RPL35: variants seen among roughly 807,000 people sequenced by gnomAD.
The protein encoded by RPL35 is large ribosomal subunit protein uL29.
RPL35 carries 2 observed loss-of-function variants against 15.6 expected under a neutral mutation model. The observed-to-expected ratio is 0.13, with a 90% CI of 0.05 to 0.40. The LOEUF is 0.40. Among genes scored for constraint, RPL35 ranks in the 10% least tolerant of loss-of-function variants. The pLI, the probability that RPL35 is intolerant of heterozygous loss-of-function variation, is 0.99. For missense variants in RPL35, 111 were observed against 164.7 expected (o/e 0.67, Z 1.79); for synonymous variants, 93 against 67.9 (o/e 1.37, Z -1.82).
At chr9:124,861,596 C>T (rs1829198535) in intron 1 of RPL35, 41 bp from the exon 2 acceptor site, 1 of 1,605,548 alleles carries the variant, frequency 6.2e-7, no homozygotes, top group Middle Eastern at 1.7e-4. Context: ...GGCCGCGGGG[C>T]CATATCCCCT....
Position 124,861,773 on chromosome 9 carries a change from G to T in RPL35, c.3+137C>A, listed in dbSNP as rs1588038131. ...CCGGCGCCAAGCGAAGAGGCGGGTT[G>T]TGGTGGCGCCAGACCATTCTGCGCG... On this transcript the variant is annotated intron_variant, in intron 1 of 3. Coordinates refer to ENST00000348462, the MANE Select transcript of RPL35 (RefSeq NM_007209.4). The T allele has an allele frequency of 5.1e-6, 7 of 1,359,244 alleles. No homozygotes were observed. In the Admixed American group the frequency reaches 7.8e-5, roughly 15 times the overall value. The allele number at this position is 1,359,244 out of a possible 1,614,324, so 84.2% of individuals were successfully genotyped here. A position where few individuals can be genotyped will look rare whatever the true frequency, so the allele number is the denominator to read the frequency against.
Position 124,861,941 on chromosome 9 carries a change from C to A in RPL35, c.-29G>T, listed in dbSNP as rs909920666. 7 of 1,597,892 alleles carry A rather than the reference C, an allele frequency of 4.4e-6. No homozygotes were observed. The highest frequency in any genetic ancestry group is 6.0e-6 in the Non-Finnish European group (7 of 1,173,124). ...TGCACAAGCCGCCAACGCCGCCGCC[C>A]GCTCCGAGGGAAAGAGGAAGTAGGC... On this transcript the variant is annotated 5_prime_UTR_variant, in exon 1 of 4. Transcript: ENST00000348462.
Position 124,860,275 on chromosome 9 carries a change from G to C in RPL35, c.141-11C>G, listed in dbSNP as rs760235094. ...TTCCGGACGACTCGGCTACAAAACA[G>C]AGATGTCAGTGAAGATAGGGAAGAC... On this transcript the variant is annotated splice_polypyrimidine_tract_variant and intron_variant, in intron 2 of 3. Transcript: ENST00000348462. The C allele has an allele frequency of 6.2e-7, 1 of 1,610,106 alleles. No individual in the cohort carries two copies. Among genetic ancestry groups the C allele is most frequent in the South Asian group, 1.1e-5 (1 of 91,018 alleles).
intron 1 of RPL35, 155 bp from the exon 2 acceptor site, chr9:124,861,710 T>C: frequency 1.5e-6 from 2 of 1,340,984 alleles, no homozygotes; most frequent in African/African-American, 1.5e-5. Flanking sequence ...CGGCCGTGCC[T>C]TGGGCAGAGT....
intron 2 of RPL35, chr9:124,861,129 TG>T: frequency 2.6e-6 from 1 of 387,360 alleles, no homozygotes; most frequent in East Asian, 4.7e-5. Flanking sequence ...GCCACCCACC[TG>T]CCAAGGGGGT....
intron 1 of RPL35, 174 bp downstream of exon 1, chr9:124,861,736 C>A (rs1232600395): frequency 1.5e-6 from 2 of 1,309,980 alleles, no homozygotes; most frequent in Non-Finnish European, 2.1e-6. Flanking sequence ...AGGCCCGGGC[C>A]GCGCGCCTCT....
At chr9:124,861,665 G>A (rs918397793) in intron 1 of RPL35, 110 bp from the exon 2 acceptor site, 1 of 1,493,662 alleles carries the variant, frequency 6.7e-7, no homozygotes, top group Non-Finnish European at 9.1e-7. Flanking sequence ...GAGTGCGCCG[G>A]AGCCCCAACC....
At chr9:124,861,239 G>A (rs1324699601) in intron 2 of RPL35, 180 bp downstream of exon 2, 5 of 739,848 alleles carry the variant, frequency 6.8e-6, no homozygotes, top group Non-Finnish European at 1.1e-5. Context: ...CCAGGCACAA[G>A]GACCGCAAGG....
chr9:124,861,185 T>G, intron 2 of RPL35: 1 of 506,226 alleles, frequency 2.0e-6, no homozygotes, highest in African/African-American at 2.0e-5. Flanking sequence ...GGGGTCCGGG[T>G]AGGCTTTGAA....
chr9:124,858,561 G>A (rs1253221746), intron 3 of RPL35: 1 of 710,502 alleles, frequency 1.4e-6, no homozygotes. Flanking sequence ...CAGCCTCAGA[G>A]GCCTGGCTGG....
chr9:124,860,291 T>C (rs368021435), intron 2 of RPL35, 27 bp from the exon 3 acceptor site: 59 of 1,586,898 alleles, frequency 3.7e-5, no homozygotes, highest in African/African-American at 6.7e-5. Context: ...TCAGTGAAGA[T>C]AGGGAAGACA....
chr9:124,858,625 TCA>T, intron 3 of RPL35: 1 of 652,706 alleles, frequency 1.5e-6, no homozygotes, highest in East Asian at 2.7e-5. Flanking sequence ...CCCACAGCTG[TCA>T]CAGAGCCATC....
chr9:124,861,716 A>C (rs1829200447), intron 1 of RPL35, 161 bp from the exon 2 acceptor site: 1 of 1,320,590 alleles, frequency 7.6e-7, no homozygotes, highest in Non-Finnish European at 1.0e-6. Flanking sequence ...TGCCTTGGGC[A>C]GAGTAACCCA....
intron 3 of RPL35, 137 bp downstream of exon 3, chr9:124,860,046 G>A (rs145907275): frequency 4.4e-6 from 3 of 683,394 alleles, no homozygotes; most frequent in East Asian, 2.7e-5. Context: ...GTAGAAGAGT[G>A]AGCCCAGCAA....
chr9:124,861,111 G>C (rs1054454906), intron 2 of RPL35: 1 of 347,758 alleles, frequency 2.9e-6, no homozygotes, highest in Non-Finnish European at 5.3e-6. Context: ...TGCCACTCCA[G>C]GGTGCAAGCC....
intron 2 of RPL35, chr9:124,860,961 A>T (rs907063220): frequency 6.2e-6 from 1 of 160,356 alleles, no homozygotes; most frequent in African/African-American, 2.4e-5. Flanking sequence ...CCTCCAGAGT[A>T]GCTGGGACTA....
intron 3 of RPL35, among the ~76,000 whole-genome samples, chr9:124,859,460 G>T (rs1389119238): frequency 6.6e-6 from 1 of 152,202 alleles, no homozygotes; most frequent in African/African-American, 2.4e-5. Context: ...CCAATCAGCT[G>T]TAAGTCTTAA....
At chr9:124,858,442 G>C (rs1243837892) in intron 3 of RPL35, 1 of 714,842 alleles carries the variant, frequency 1.4e-6, no homozygotes, top group Admixed American at 2.0e-5. Flanking sequence ...CAAGCCCCGG[G>C]GGTAGTTACC....
intron 1 of RPL35, 70 bp from the exon 2 acceptor site, chr9:124,861,625 C>G (rs1423837879): frequency 6.4e-7 from 1 of 1,568,436 alleles, no homozygotes; most frequent in African/African-American, 1.4e-5. Flanking sequence ...GTGGCCAGCC[C>G]CCAAAGGCGC....
Sources: gnomAD v4.1 joint callset for allele counts (sites outside exome capture counted in the v4.1 genomes callset) on GRCh38, gnomAD v4.1.1 for gene constraint, MANE v1.5 for transcripts, NCBI Gene and HGNC (gene_info 2026-07-23, HGNC 2026-07-21) for gene names.